The following AKTIP variants were observed in gnomAD, a reference collection of about 807,000 sequenced individuals.
AKTIP encodes the protein AKT-interacting protein.
A neutral mutation model predicts 39.1 loss-of-function variants in AKTIP; 16 were observed. That is an observed-to-expected ratio of 0.41 (90% CI 0.28 to 0.62). The LOEUF is 0.62. AKTIP is among the 20% of genes least tolerant of loss of function. The pLI is 0.32. For synonymous variants in AKTIP, 93 were observed against 124.3 expected (o/e 0.75, Z 1.67); for missense variants, 262 against 356.6 (o/e 0.73, Z 2.14).
chr16:53,500,147 C>T (rs948289348), intron 2 of AKTIP, 71 bp downstream of exon 2: 91 of 1,223,936 alleles, frequency 7.4e-5, no homozygotes, highest in Non-Finnish European at 1.0e-4. Flanking sequence ...TTATTTTAGC[C>T]TTCATTCTGA....
intron 3 of AKTIP, among the ~76,000 whole-genome samples, chr16:53,495,613 A>C (rs1287150518): frequency 6.6e-6 from 1 of 152,170 alleles, no homozygotes; most frequent in African/African-American, 2.4e-5. Flanking sequence ...ATGAAGAATA[A>C]AGTTTCCTCC....
chr16:53,498,293 T>A, intron 3 of AKTIP, 98 bp downstream of exon 3: 1 of 1,263,046 alleles, frequency 7.9e-7, no homozygotes, highest in Non-Finnish European at 1.1e-6. Flanking sequence ...AGCTTTGAGA[T>A]TAAATGTCTG....
chr16:53,503,249 G>GCCCCGCCCCA (rs1962295879), upstream of AKTIP: 1 of 45,800 alleles, frequency 2.2e-5, no homozygotes, highest in Non-Finnish European at 5.1e-5. Context: ...TCCCCGCCCC[G>GCCCCGCCCCA]CCCCACCCCG....
At chr16:53,495,200 G>C in intron 4 of AKTIP, 27 bp from the exon 5 acceptor site, 1 of 1,612,394 alleles carries the variant, frequency 6.2e-7, no homozygotes, top group Non-Finnish European at 8.5e-7. Context: ...AAGAGTTAAG[G>C]CCTAAATTTG....
chr16:53,496,946 T>C lies in AKTIP; in HGVS notation c.248+1445A>G, dbSNP rs117244313. Among the ~76,000 whole-genome samples the C allele has an allele frequency of 7.7e-3, 1,179 of 152,256 alleles. 11 individuals are homozygous for C. The highest frequency in any genetic ancestry group is 0.037 in the South Asian group (180 of 4,822). On this transcript the variant is annotated intron_variant, in intron 3 of 9. Transcript: ENST00000394657. ...TCAGCCTCCTGAGTAGCCGGGACTATAGGTCTGCAGCTGGGAAATTTTTAA... is the reference window on the plus strand; with the variant it reads ...TCAGCCTCCTGAGTAGCCGGGACTACAGGTCTGCAGCTGGGAAATTTTTAA...
intron 3 of AKTIP, among the ~76,000 whole-genome samples, chr16:53,497,735 TTTATTA>T (rs1238367876): frequency 6.6e-6 from 1 of 152,254 alleles, no homozygotes; most frequent in Non-Finnish European, 1.5e-5. Context: ...GAAGACTAAA[TTTATTA>T]AGTTCCTAAT....
Position 53,493,831 on chromosome 16 carries a change from A to G in AKTIP, c.710+307T>C, listed in dbSNP as rs1023326570. 12 of 321,920 alleles carry G rather than the reference A, an allele frequency of 3.7e-5. 1 individual carries two copies. The highest frequency in any genetic ancestry group is 3.5e-4 in the Admixed American group (8 of 22,756). 19.9% of individuals were successfully genotyped at this position (321,920 alleles called of 1,614,324 possible). A position where few individuals can be genotyped will look rare whatever the true frequency, so the allele number is the denominator to read the frequency against. On this transcript the variant is annotated intron_variant, in intron 8 of 9. Coordinates refer to ENST00000394657, the MANE Select transcript of AKTIP (RefSeq NM_022476.4). ...GGTTTGGCAGTTTAAGAGGGGCTCC[A>G]GCTAAAACTGCCAGCTGAAAAGAAG... is the stretch of plus-strand genomic sequence containing the variant.
chr16:53,502,786 G>A (rs918814796), intron 1 of AKTIP: 1 of 152,152 alleles, frequency 6.6e-6, no homozygotes, highest in Non-Finnish European at 1.5e-5. Flanking sequence ...CCCCTCCAGT[G>A]GGGGGGCTCT....
At chr16:53,500,379 G>T in intron 1 of AKTIP, 50 bp from the exon 2 acceptor site, 5 of 1,209,956 alleles carry the variant, frequency 4.1e-6, no homozygotes, top group African/African-American at 1.6e-5. Flanking sequence ...CAACCATTAA[G>T]ACTTTTTTTT....
chr16:53,498,140 C>G (rs959069463), intron 3 of AKTIP, among the ~76,000 whole-genome samples: 8 of 152,224 alleles, frequency 5.3e-5, no homozygotes, highest in African/African-American at 9.6e-5. Flanking sequence ...GCCTTTAAAT[C>G]TTATTCACCC....
chr16:53,495,219 G>A (rs773819385), intron 4 of AKTIP, 43 bp downstream of exon 4: 20 of 1,612,944 alleles, frequency 1.2e-5, no homozygotes, highest in Non-Finnish European at 1.7e-5. Flanking sequence ...TGTGTGGGAG[G>A]AACTAAATGT....
intron 1 of AKTIP, 49 bp from the exon 2 acceptor site, chr16:53,500,378 A>G: frequency 3.0e-6 from 4 of 1,334,604 alleles, no homozygotes; most frequent in Non-Finnish European, 4.0e-6. Flanking sequence ...CCAACCATTA[A>G]GACTTTTTTT....
chr16:53,495,646 A>T (rs1440701465), intron 3 of AKTIP, among the ~76,000 whole-genome samples: 2 of 152,220 alleles, frequency 1.3e-5, no homozygotes, highest in Non-Finnish European at 1.5e-5. Context: ...CTTCCAAAAC[A>T]TCATCTTGGA....
intron 1 of AKTIP, 60 bp from the exon 2 acceptor site, chr16:53,500,389 T>G: frequency 8.3e-7 from 1 of 1,209,386 alleles, no homozygotes; most frequent in Non-Finnish European, 1.1e-6. Context: ...GACTTTTTTT[T>G]TTTTTTAAGA....
At chr16:53,502,155 G>A (rs138189796) in intron 1 of AKTIP, among the ~76,000 whole-genome samples, 65 of 152,346 alleles carry the variant, frequency 4.3e-4, no homozygotes, top group African/African-American at 1.4e-3. Flanking sequence ...AGTTCTGCCT[G>A]TCATTAAGCA....
Position 53,492,704 on chromosome 16 carries a change from G to A in AKTIP, c.760C>T (p.Leu254=). 1 of 1,613,996 alleles carries A rather than the reference G, an allele frequency of 6.2e-7. No individual in the cohort carries two copies. Among genetic ancestry groups the A allele is most frequent in the Middle Eastern group, 1.6e-4 (1 of 6,062 alleles). The change falls in exon 9 of 10, where the codon CTG becomes TTG. Residue 254 remains leucine (L), a synonymous_variant. Transcript: ENST00000394657. ...SVHDEAREKM[L]TQKKPEEQHN... is the part of the protein sequence containing the mutation. ...TGTTATCCACTTACTTTCTGAGTCA[G>A]CATCTTTTCTCTGGCTTCATCATGT...
chr16:53,491,240 A>C lies in AKTIP; in HGVS notation c.*1172T>G, dbSNP rs1302340600. ...TCTTCCTTTAGGAGGGAGTTATCTAAAAGAAATGTCTATTAAGGTGATATA... is the reference window on the plus strand; with the variant it reads ...TCTTCCTTTAGGAGGGAGTTATCTACAAGAAATGTCTATTAAGGTGATATA... On this transcript the variant is annotated 3_prime_UTR_variant, in exon 10 of 10. Coordinates refer to ENST00000394657, the MANE Select transcript of AKTIP (RefSeq NM_022476.4). The C allele has an allele frequency of 2.0e-5, 3 of 152,182 alleles. No homozygotes were observed. In the South Asian group the frequency reaches 6.2e-4, roughly 31 times the overall value. The allele number at this position is 152,182 out of a possible 1,614,324, so 9.4% of individuals were successfully genotyped here.
chr16:53,498,707 C>T lies in AKTIP; in HGVS notation c.43-111G>A, dbSNP rs1961989206. The T allele has an allele frequency of 2.2e-5, 24 of 1,084,648 alleles. No individual in the cohort carries two copies. The South Asian group carries it at 3.1e-4, about 14-fold the overall frequency. 67.2% of individuals were successfully genotyped at this position (1,084,648 alleles called of 1,614,324 possible). A position where few individuals can be genotyped will look rare whatever the true frequency, so the allele number is the denominator to read the frequency against. On this transcript the variant is annotated intron_variant, in intron 2 of 9. Transcript: ENST00000394657. ...GGAATTACTCCTTTACAAGCACATTCTAACACCATGACCAAGATGACTAGA... is the reference window on the plus strand; with the variant it reads ...GGAATTACTCCTTTACAAGCACATTTTAACACCATGACCAAGATGACTAGA...
At chr16:53,502,702 G>A (rs1043871423) in intron 1 of AKTIP, 1 of 152,264 alleles carries the variant, frequency 6.6e-6, no homozygotes, top group Non-Finnish European at 1.5e-5. Context: ...GGACAAACCT[G>A]TCTCGAGGTG....
Sources: gnomAD v4.1 joint callset for allele counts (sites outside exome capture counted in the v4.1 genomes callset) on GRCh38, gnomAD v4.1.1 for gene constraint, MANE v1.5 for transcripts, NCBI Gene and HGNC (gene_info 2026-07-23, HGNC 2026-07-21) for gene names.